FANCC: variants seen among roughly 807,000 people sequenced by gnomAD.
FANCC encodes FA complementation group C, also known as Fanconi anemia group C protein.
A neutral mutation model predicts 71.3 loss-of-function variants in FANCC; 55 were observed. The ratio of observed to expected loss-of-function variants is 0.77; its 90% CI spans 0.62 to 0.97. FANCC has a LOEUF of 0.97. FANCC is among the 50% of genes least tolerant of loss of function. The pLI is 0.00. For missense variants in FANCC, 678 were observed against 670.9 expected, an observed-to-expected ratio of 1.01 and a Z score of -0.12; for synonymous variants, 275 against 244.9, an observed-to-expected ratio of 1.12 and a Z score of -1.15.
Position 95,110,793 on chromosome 9 carries a change from G to A in FANCC, c.1329+670C>T, listed in dbSNP as rs533111297. The A allele has an allele frequency of 8.7e-5, 97 of 1,120,282 alleles. 2 individuals are homozygous for A. The South Asian group carries it at 3.0e-3, about 35-fold the overall frequency. 69.4% of individuals were successfully genotyped at this position (1,120,282 alleles called of 1,614,324 possible). On this transcript the variant is annotated intron_variant, in intron 13 of 14. Transcript: ENST00000289081. ...ACCTAGCAAATCAATGCTTGCAAGG[G>A]AGGTGCCAATGCCTTTAATCAAAGC...
rs1399574459 is a variant in FANCC at position 95,240,667 on chromosome 9, T to C, written c.327A>G (p.Lys109=). The C allele has an allele frequency of 1.9e-6, 3 of 1,610,888 alleles. No individual in the cohort carries two copies. Among genetic ancestry groups the C allele is most frequent in the Non-Finnish European group, 2.5e-6 (3 of 1,177,398 alleles). ...NKEPQNSGQS[K]LNSWIQGVLS... ...CTCTTACCTGTATCCAGGAGTTAAG[T>C]TTTGATTGTCCAGAATTCTGTGGTT... Residue 109 remains lysine (K), a synonymous_variant, in exon 4 of 15, where the codon AAA becomes AAG. Transcript: ENST00000289081.
intron 1 of FANCC, among the ~76,000 whole-genome samples, chr9:95,259,258 G>A (rs1831869401): frequency 6.6e-6 from 1 of 152,076 alleles, no homozygotes; most frequent in Non-Finnish European, 1.5e-5. Flanking sequence ...AAAGAACAAA[G>A]GTGGAGACAT....
chr9:95,230,178 C>T (rs1024959770), intron 4 of FANCC, among the ~76,000 whole-genome samples: 5 of 152,076 alleles, frequency 3.3e-5, no homozygotes, highest in African/African-American at 9.7e-5. Flanking sequence ...AGCCCTGTGC[C>T]GTCCCCAGCA....
chr9:95,228,295 A>G (rs778838590), intron 4 of FANCC, among the ~76,000 whole-genome samples: 4 of 152,164 alleles, frequency 2.6e-5, no homozygotes, highest in Non-Finnish European at 4.4e-5. Context: ...TAATTTATAA[A>G]CAAACTCACA....
intron 1 of FANCC, among the ~76,000 whole-genome samples, chr9:95,279,940 T>A (rs1171787699): frequency 9.3e-6 from 1 of 107,508 alleles, no homozygotes; most frequent in Non-Finnish European, 1.7e-5. Context: ...AGATCAAGAC[T>A]CTGTCTCAAA....
At chr9:95,238,786 T>G (rs570372034) in intron 4 of FANCC, among the ~76,000 whole-genome samples, 4 of 152,142 alleles carry the variant, frequency 2.6e-5, no homozygotes, top group Admixed American at 6.5e-5. Context: ...AGGATGGTTT[T>G]GATCTCCTGA....
At chr9:95,185,675 T>C (rs1307225038) in intron 4 of FANCC, among the ~76,000 whole-genome samples, 1 of 152,250 alleles carries the variant, frequency 6.6e-6, no homozygotes, top group Non-Finnish European at 1.5e-5. Context: ...CCTTTTCTTT[T>C]AATCCAGTAT....
chr9:95,205,297 A>G (rs1828053866), intron 4 of FANCC, among the ~76,000 whole-genome samples: 1 of 152,170 alleles, frequency 6.6e-6, no homozygotes, highest in Admixed American at 6.5e-5. Flanking sequence ...TGATATATAC[A>G]TTTAAAGTAT....
rs181027133 is a variant in FANCC, at chr9:95,148,695, C to A, written c.686+1228G>T. Among the ~76,000 whole-genome samples the A allele has an allele frequency of 2.0e-5, 3 of 152,228 alleles. No individual in the cohort carries two copies. In the East Asian group the frequency reaches 5.8e-4, roughly 29 times the overall value. On this transcript the variant is annotated intron_variant, in intron 7 of 14. Coordinates refer to ENST00000289081, the MANE Select transcript of FANCC (RefSeq NM_000136.3). Reference sequence around the variant, plus strand: ...AATGAATGAAGATTTTCCAAATGAACCATGCATAATGCTACAAAATTATGT... The same window carrying A: ...AATGAATGAAGATTTTCCAAATGAAACATGCATAATGCTACAAAATTATGT...
intron 4 of FANCC, among the ~76,000 whole-genome samples, chr9:95,228,798 A>AC (rs1829799693): frequency 6.6e-6 from 1 of 151,820 alleles, no homozygotes; most frequent in Admixed American, 6.6e-5. Context: ...AGATGCTTAA[A>AC]CCCCCAAACC....
intron 7 of FANCC, among the ~76,000 whole-genome samples, chr9:95,148,843 A>T (rs1329264734): frequency 6.6e-6 from 1 of 152,236 alleles, no homozygotes; most frequent in East Asian, 1.9e-4. Flanking sequence ...TTAAAAAATG[A>T]CCATTTTCAA....
intron 6 of FANCC, among the ~76,000 whole-genome samples, chr9:95,153,571 A>G (rs994217188): frequency 6.6e-6 from 1 of 152,158 alleles, no homozygotes; most frequent in African/African-American, 2.4e-5. Flanking sequence ...CATTTCCCTG[A>G]TGATTCGTGA....
At chr9:95,119,216 G>A (rs1487879177) in intron 10 of FANCC, among the ~76,000 whole-genome samples, 1 of 152,144 alleles carries the variant, frequency 6.6e-6, no homozygotes, top group East Asian at 1.9e-4. Flanking sequence ...ATATATTCAA[G>A]TCTTTTGTCC....
At chr9:95,151,244 TCTC>T (rs1273031959) in intron 6 of FANCC, among the ~76,000 whole-genome samples, 1 of 152,046 alleles carries the variant, frequency 6.6e-6, no homozygotes, top group Non-Finnish European at 1.5e-5. Flanking sequence ...GCAGGCAGCT[TCTC>T]CTACTTTGCC....
rs1041702267 is a variant in FANCC at position 95,102,115 on chromosome 9, TAAAGGCCAC to T, written c.1534-274_1534-266del. ...TCAGCTGCCAACAGCCTTAGACTCA[TAAAGGCCAC>T]AAACAAGCGCTGCTTGCAATCAGAA... is the stretch of plus-strand genomic sequence containing the variant. On this transcript the variant is annotated intron_variant, in intron 14 of 14. Transcript: ENST00000289081. Among the ~76,000 whole-genome samples, 6 of 152,158 alleles carry T rather than the reference TAAAGGCCAC, an allele frequency of 3.9e-5. 1 individual carries two copies. The highest frequency in any genetic ancestry group is 1.2e-4 in the African/African-American group (5 of 41,434).
Position 95,150,083 on chromosome 9 carries a change from C to G in FANCC, c.526G>C (p.Ala176Pro), listed in dbSNP as rs767389988. The G allele has an allele frequency of 3.7e-6, 6 of 1,613,860 alleles. No individual in the cohort carries two copies. The highest frequency in any genetic ancestry group is 1.6e-4 in the Middle Eastern group (1 of 6,084). Residue 176 changes from alanine (A) to proline (P), a missense_variant, in exon 7 of 15, where the codon GCT (alanine) becomes CCT (proline). Ala to Pro is a conservative substitution (Grantham distance 27). Coordinates refer to ENST00000289081, the MANE Select transcript of FANCC (RefSeq NM_000136.3). ...GACAGGGACGCCACTCGCTCGGGAGCCATTCTATGGAAGAAATAAGAAATA... is the reference window on the plus strand; with the variant it reads ...GACAGGGACGCCACTCGCTCGGGAGGCATTCTATGGAAGAAATAAGAAATA... ...LNGFNTQRRM[A>P]PERVASLSRV...
At chr9:95,161,223 C>A (rs191696721) in intron 6 of FANCC, among the ~76,000 whole-genome samples, 10 of 152,270 alleles carry the variant, frequency 6.6e-5, no homozygotes, top group Middle Eastern at 3.4e-3. Flanking sequence ...TTCTTATCCA[C>A]TGTCTTTAGG....
At chr9:95,126,729 A>G (rs1217570999) in intron 8 of FANCC, 148 bp from the exon 9 acceptor site, 1 of 761,242 alleles carries the variant, frequency 1.3e-6, no homozygotes, top group Non-Finnish European at 2.3e-6. Flanking sequence ...CCACTGCTGT[A>G]CTGAAAACGC....
chr9:95,153,277 T>C (rs1268637878), intron 6 of FANCC, among the ~76,000 whole-genome samples: 1 of 152,260 alleles, frequency 6.6e-6, no homozygotes, highest in Non-Finnish European at 1.5e-5. Flanking sequence ...GTTCCACATC[T>C]TTGCAATTGT....
Sources: allele counts gnomAD v4.1 joint callset (sites outside exome capture counted in the v4.1 genomes callset), GRCh38; gene constraint gnomAD v4.1.1; transcripts MANE v1.5; gene names NCBI Gene and HGNC (gene_info 2026-07-23, HGNC 2026-07-21).